Variants in IGF2BP2 observed in about 807,000 individuals in gnomAD.
The protein encoded by IGF2BP2 is insulin like growth factor 2 mRNA binding protein 2, also known as insulin-like growth factor 2 mRNA-binding protein 2.
A neutral mutation model predicts 75.8 loss-of-function variants in IGF2BP2; 17 were observed. The ratio of observed to expected loss-of-function variants is 0.22; its 90% CI spans 0.15 to 0.34. The LOEUF (loss-of-function observed/expected upper bound fraction) is 0.34. Among genes scored for constraint, IGF2BP2 ranks in the 10% least tolerant of loss-of-function variants. The pLI, the probability that IGF2BP2 is intolerant of heterozygous loss-of-function variation, is 1.00. For missense variants in IGF2BP2, 516 were observed against 772.4 expected, an observed-to-expected ratio of 0.67 and a Z score of 3.93; for synonymous variants, 288 against 295.6, an observed-to-expected ratio of 0.97 and a Z score of 0.26.
At chr3:185,650,205 C>A (rs1007701802) in intron 13 of IGF2BP2, among the ~76,000 whole-genome samples, 10 of 151,588 alleles carry the variant, frequency 6.6e-5, no homozygotes, top group Admixed American at 5.9e-4. Flanking sequence ...CTGGTGTAAG[C>A]CACTACATTC....
At chr3:185,776,015 G>A (rs1011084244) in intron 2 of IGF2BP2, among the ~76,000 whole-genome samples, 3 of 152,188 alleles carry the variant, frequency 2.0e-5, no homozygotes, top group Admixed American at 6.5e-5. Context: ...TGGCCAAGGC[G>A]GGATAATCAC....
chr3:185,710,341 C>A (rs563508550), intron 2 of IGF2BP2, among the ~76,000 whole-genome samples: 183 of 152,170 alleles, frequency 1.2e-3, no homozygotes, highest in African/African-American at 4.3e-3. Context: ...ACCTCCATTG[C>A]CCCAGAAGGG....
At chr3:185,799,486 C>T (rs533204113) in intron 2 of IGF2BP2, among the ~76,000 whole-genome samples, 17 of 152,276 alleles carry the variant, frequency 1.1e-4, no homozygotes, top group East Asian at 9.7e-4. Flanking sequence ...CGGTGGCTCA[C>T]GCCTGTAATC....
intron 13 of IGF2BP2, 89 bp from the exon 14 acceptor site, chr3:185,649,623 C>T: frequency 1.3e-6 from 2 of 1,549,416 alleles, no homozygotes; most frequent in Admixed American, 1.8e-5. Context: ...AGAGTCCAGA[C>T]AATGGGTCAG....
intron 2 of IGF2BP2, among the ~76,000 whole-genome samples, chr3:185,747,900 G>A (rs535543215): frequency 8.6e-5 from 13 of 151,270 alleles, no homozygotes; most frequent in East Asian, 5.9e-4. Context: ...CTGTTGCCCC[G>A]GCTGGAGTGC....
chr3:185,804,436 C>CAA (rs71164544), intron 2 of IGF2BP2, among the ~76,000 whole-genome samples: 70 of 143,500 alleles, frequency 4.9e-4, no homozygotes, highest in South Asian at 1.1e-3. Flanking sequence ...TTGTCTCAAA[C>CAA]AAAAAAAAAA....
chr3:185,646,614 C>T (rs1002112378), intron 15 of IGF2BP2, among the ~76,000 whole-genome samples: 9 of 152,168 alleles, frequency 5.9e-5, no homozygotes, highest in Non-Finnish European at 1.0e-4. Flanking sequence ...AGCATGTAGT[C>T]TTTCACAGGG....
intron 10 of IGF2BP2, among the ~76,000 whole-genome samples, chr3:185,670,909 C>G (rs541694658): frequency 1.2e-4 from 18 of 152,142 alleles, no homozygotes; most frequent in African/African-American, 4.1e-4. Flanking sequence ...TTATTATGCC[C>G]TTTTTCTCTC....
intron 2 of IGF2BP2, among the ~76,000 whole-genome samples, chr3:185,741,738 C>A (rs189581281): frequency 6.6e-6 from 1 of 152,172 alleles, no homozygotes; most frequent in African/African-American, 2.4e-5. Context: ...CCAATGAGTA[C>A]GGGATTTTGG....
chr3:185,705,706 A>G (rs9831593), intron 2 of IGF2BP2, among the ~76,000 whole-genome samples: 17,517 of 152,196 alleles, frequency 0.12, 1,187 homozygotes, highest in South Asian at 0.34. Flanking sequence ...GCACCAGCAG[A>G]TTTGCTGTCT....
At chr3:185,689,660 G>T in intron 5 of IGF2BP2, 33 bp from the exon 6 acceptor site, 1 of 1,613,732 alleles carries the variant, frequency 6.2e-7, no homozygotes, top group South Asian at 1.1e-5. Context: ...AGCTTCGTCA[G>T]AAACCAACAT....
intron 2 of IGF2BP2, chr3:185,713,463 T>A (rs780364233): frequency 1.9e-6 from 1 of 520,020 alleles, no homozygotes; most frequent in Non-Finnish European, 3.8e-6. Flanking sequence ...TAAGGCCCTT[T>A]CCAGATCCAA....
chr3:185,700,187 T>A (rs1723101324), intron 2 of IGF2BP2, among the ~76,000 whole-genome samples: 1 of 151,740 alleles, frequency 6.6e-6, no homozygotes, highest in Admixed American at 6.6e-5. Flanking sequence ...ATGTTACAAC[T>A]CAAGCAGAAA....
intron 2 of IGF2BP2, among the ~76,000 whole-genome samples, chr3:185,711,717 T>C (rs1724826847): frequency 6.6e-6 from 1 of 152,178 alleles, no homozygotes; most frequent in Non-Finnish European, 1.5e-5. Flanking sequence ...TCTTTTTCCT[T>C]CCCTGGACGC....
At chr3:185,770,515 C>A (rs35430985) in intron 2 of IGF2BP2, among the ~76,000 whole-genome samples, 49,817 of 152,018 alleles carry the variant, frequency 0.33, 8,928 homozygotes, top group African/African-American at 0.48. Flanking sequence ...TTCCAAGGCA[C>A]CAGATTTTAA....
At chr3:185,716,705 T>C (rs764372767) in intron 2 of IGF2BP2, 12 of 519,982 alleles carry the variant, frequency 2.3e-5, no homozygotes, top group Non-Finnish European at 4.2e-5. Context: ...GCCATGGTGG[T>C]GCATGGAGGA....
rs140450188 is a variant in IGF2BP2 at position 185,669,811 on chromosome 3, A to G, written c.1200+2730T>C. Among the ~76,000 whole-genome samples the G allele has an allele frequency of 3.9e-3, 589 of 152,366 alleles. 2 individuals are homozygous for G. Among genetic ancestry groups the G allele is most frequent in the African/African-American group, 0.013 (553 of 41,590 alleles). On this transcript the variant is annotated intron_variant, in intron 10 of 15. Coordinates refer to ENST00000382199, the MANE Select transcript of IGF2BP2 (RefSeq NM_006548.6). ...AAACAATACTTTAAGTATTTAAAGT[A>G]TCTCCACCACCCTATGCTGCTGTTC...
intron 2 of IGF2BP2, among the ~76,000 whole-genome samples, chr3:185,775,655 G>A (rs926514287): frequency 1.3e-5 from 2 of 152,156 alleles, no homozygotes; most frequent in Non-Finnish European, 2.9e-5. Context: ...AATAAGCTTA[G>A]CAAAAGCAAT....
chr3:185,661,418 T>C (rs1332325419), intron 10 of IGF2BP2, among the ~76,000 whole-genome samples: 1 of 151,802 alleles, frequency 6.6e-6, no homozygotes, highest in East Asian at 1.9e-4. Context: ...AGGCGGATTA[T>C]TTGAGGTCAG....
Sources: allele counts gnomAD v4.1 joint callset (sites outside exome capture counted in the v4.1 genomes callset), GRCh38; gene constraint gnomAD v4.1.1; transcripts MANE v1.5; gene names NCBI Gene and HGNC (gene_info 2026-07-23, HGNC 2026-07-21).